Variants in LMCD1 observed in about 807,000 individuals in gnomAD.
LMCD1 encodes the protein LIM and cysteine-rich domains protein 1.
LMCD1 carries 32 observed loss-of-function variants against 42.7 expected under a neutral mutation model. The ratio of observed to expected loss-of-function variants is 0.75; its 90% CI spans 0.57 to 1.01. LMCD1 has a LOEUF of 1.01. LMCD1 is among the 50% of genes least tolerant of loss of function. The pLI is 0.00. For synonymous variants in LMCD1, 178 were observed against 184.9 expected (o/e 0.96, Z 0.30); for missense variants, 458 against 483.1 (o/e 0.95, Z 0.49).
chr3:8,559,847 T>A (rs1329211807), intron 4 of LMCD1, among the ~76,000 whole-genome samples: 1 of 152,180 alleles, frequency 6.6e-6, no homozygotes, highest in African/African-American at 2.4e-5. Context: ...TACCTGGACA[T>A]CTTGTTTTCA....
At chr3:8,546,404 G>A (rs1694735514) in intron 3 of LMCD1, among the ~76,000 whole-genome samples, 1 of 152,222 alleles carries the variant, frequency 6.6e-6, no homozygotes, top group Admixed American at 6.5e-5. Flanking sequence ...GAGCAGCTTG[G>A]TAGGCGCTGT....
At chr3:8,510,185 G>C (rs905643127) in intron 1 of LMCD1, among the ~76,000 whole-genome samples, 2 of 152,162 alleles carry the variant, frequency 1.3e-5, no homozygotes, top group African/African-American at 4.8e-5. Flanking sequence ...CCATCGAGGT[G>C]ACTGACCCGT....
chr3:8,543,440 T>TAGAC lies in LMCD1; in HGVS notation c.388-5116_388-5113dup, dbSNP rs1553607334. On this transcript the variant is annotated intron_variant, in intron 3 of 5. Coordinates refer to ENST00000157600, the MANE Select transcript of LMCD1 (RefSeq NM_014583.4). ...ATAGATAGATAGATAGATAGATAGATAGACAGACAGACAGAGAGATAGACA... is the reference window on the plus strand; with the variant it reads ...ATAGATAGATAGATAGATAGATAGATAGACAGACAGACAGACAGAGAGATAGACA... Among the ~76,000 whole-genome samples the TAGAC allele has an allele frequency of 3.6e-3, 484 of 134,176 alleles. 3 individuals carry two copies. Among genetic ancestry groups the TAGAC allele is most frequent in the East Asian group, 0.012 (56 of 4,764 alleles). The allele number at this position is 134,176 out of a possible 152,430, so 88.0% of individuals were successfully genotyped here.
chr3:8,559,717 C>A (rs530035211), intron 4 of LMCD1, among the ~76,000 whole-genome samples: 2 of 152,158 alleles, frequency 1.3e-5, no homozygotes, highest in Non-Finnish European at 2.9e-5. Context: ...GACCACCAGA[C>A]GATAGATCCA....
At position 8,567,634 on chromosome 3, in the gene LMCD1, CCA is replaced by C. The variant is rs745834107; in HGVS notation, c.*38_*39del. The C allele has an allele frequency of 1.3e-6, 2 of 1,589,984 alleles. No homozygotes were observed. Among genetic ancestry groups the C allele is most frequent in the Admixed American group, 3.5e-5 (2 of 57,306 alleles). On this transcript the variant is annotated 3_prime_UTR_variant, in exon 6 of 6. Transcript: ENST00000157600. ...ACCCACAGCCAGAATCCACAGGATC[CCA>C]CCGAGAAGGAGAGCCAGGTGTGCCG...
intron 4 of LMCD1, among the ~76,000 whole-genome samples, chr3:8,558,369 C>G (rs1302472673): frequency 6.6e-6 from 1 of 152,196 alleles, no homozygotes; most frequent in Non-Finnish European, 1.5e-5. Flanking sequence ...TATTCAAAAT[C>G]TTTCATTTCA....
At chr3:8,518,010 C>T (rs908001515) in intron 1 of LMCD1, among the ~76,000 whole-genome samples, 9 of 151,748 alleles carry the variant, frequency 5.9e-5, no homozygotes, top group African/African-American at 2.2e-4. Context: ...TTCCTACAAC[C>T]ACCTCATGAA....
intron 1 of LMCD1, among the ~76,000 whole-genome samples, chr3:8,525,017 G>C (rs925855045): frequency 6.6e-6 from 1 of 152,062 alleles, no homozygotes; most frequent in African/African-American, 2.4e-5. Context: ...TATACATTGT[G>C]TACTAATCAA....
chr3:8,557,226 C>T (rs1694943850), intron 4 of LMCD1, among the ~76,000 whole-genome samples: 1 of 152,206 alleles, frequency 6.6e-6, no homozygotes, highest in African/African-American at 2.4e-5. Flanking sequence ...TGATGTTAGA[C>T]TACAGAAGAA....
chr3:8,532,036 C>T (rs1478377024), intron 1 of LMCD1, among the ~76,000 whole-genome samples: 1 of 152,096 alleles, frequency 6.6e-6, no homozygotes, highest in African/African-American at 2.4e-5. Context: ...AGGCTGGAGT[C>T]GGGTCTAAGG....
chr3:8,565,159 C>T (rs1040964790), intron 4 of LMCD1, among the ~76,000 whole-genome samples: 19 of 152,032 alleles, frequency 1.2e-4, no homozygotes, highest in Admixed American at 2.6e-4. Flanking sequence ...CTGTAGGGGT[C>T]TTGATAATTT....
rs1353084662 is a variant in LMCD1 at position 8,569,352 on chromosome 3, C to T, written c.*1754C>T. 1 of 152,248 alleles carries T rather than the reference C, an allele frequency of 6.6e-6. No individual in the cohort carries two copies. Among genetic ancestry groups the T allele is most frequent in the Admixed American group, 6.5e-5 (1 of 15,286 alleles). The allele number at this position is 152,248 out of a possible 1,614,324, so 9.4% of individuals were successfully genotyped here. On this transcript the variant is annotated 3_prime_UTR_variant, in exon 6 of 6. Transcript: ENST00000157600. ...TTCATCCTATAAGGTGCTTCTCAAGCATAACCTGCTTCTCTGGCACTTTCC... is the reference window on the plus strand; with the variant it reads ...TTCATCCTATAAGGTGCTTCTCAAGTATAACCTGCTTCTCTGGCACTTTCC...
chr3:8,501,835 C>G lies in LMCD1; in HGVS notation c.-104C>G. Reference sequence around the variant, plus strand: ...TGCGCCTGGCTGCGCACAGAGCTCCCTCCCAGGCCCGCGAACTTGGCCATT... The same window carrying G: ...TGCGCCTGGCTGCGCACAGAGCTCCGTCCCAGGCCCGCGAACTTGGCCATT... On this transcript the variant is annotated 5_prime_UTR_variant, in exon 1 of 6. Transcript: ENST00000157600. The G allele has an allele frequency of 2.0e-6, 2 of 1,009,496 alleles. No homozygotes were observed. The highest frequency in any genetic ancestry group is 2.9e-6 in the Non-Finnish European group (2 of 679,440). 62.5% of individuals were successfully genotyped at this position (1,009,496 alleles called of 1,614,324 possible). A position where few individuals can be genotyped will look rare whatever the true frequency, so the allele number is the denominator to read the frequency against.
intron 1 of LMCD1, among the ~76,000 whole-genome samples, chr3:8,506,470 C>T (rs561916877): frequency 3.9e-5 from 6 of 152,168 alleles, no homozygotes; most frequent in Middle Eastern, 3.4e-3. Flanking sequence ...TCTTTCCTTC[C>T]GCCCTTACGC....
At chr3:8,563,885 C>A (rs189869215) in intron 4 of LMCD1, among the ~76,000 whole-genome samples, 2 of 152,202 alleles carry the variant, frequency 1.3e-5, no homozygotes, top group Admixed American at 1.3e-4. Flanking sequence ...TTCCTCCCAA[C>A]GTACTCATCA....
In LMCD1 at chr3:8,504,204, G is replaced by A. The variant is rs76930308; in HGVS notation, c.42+2224G>A. Among the ~76,000 whole-genome samples the A allele has an allele frequency of 2.8e-3, 430 of 152,266 alleles. 5 individuals are homozygous for A. The highest frequency in any genetic ancestry group is 0.01 in the African/African-American group (416 of 41,546). ...CTTCAACTCAAAATGTGGAGGGGAG[G>A]GAGGAGAGCCGAGAAGCTCCCCTTG... On this transcript the variant is annotated intron_variant, in intron 1 of 5. Transcript: ENST00000157600.
intron 4 of LMCD1, among the ~76,000 whole-genome samples, chr3:8,553,601 C>T (rs1052906168): frequency 2.6e-5 from 4 of 152,284 alleles, no homozygotes; most frequent in African/African-American, 4.8e-5. Flanking sequence ...GGCCAGCAGA[C>T]GGGCCCTACT....
intron 1 of LMCD1, among the ~76,000 whole-genome samples, chr3:8,528,570 T>C (rs2125020297): frequency 6.6e-6 from 1 of 152,290 alleles, no homozygotes; most frequent in South Asian, 2.1e-4. Context: ...AACAGCCCTA[T>C]TGAGACAAAG....
In LMCD1 at chr3:8,573,608, G is replaced by A. The variant is rs965311326; in HGVS notation, c.*6010G>A. The A allele has an allele frequency of 7.9e-5, 12 of 152,188 alleles. No homozygotes were observed. Among genetic ancestry groups the A allele is most frequent in the African/African-American group, 2.9e-4 (12 of 41,448 alleles). 9.4% of individuals were successfully genotyped at this position (152,188 alleles called of 1,614,324 possible). A position where few individuals can be genotyped will look rare whatever the true frequency, so the allele number is the denominator to read the frequency against. On this transcript the variant is annotated 3_prime_UTR_variant, in exon 6 of 6. Transcript: ENST00000157600. ...AAGAATGGGGATGACGCTGTTGAAG[G>A]AAGAAATGTGTTTTCTCCTTTTTCT...
Sources: gnomAD v4.1 joint callset for allele counts (sites outside exome capture counted in the v4.1 genomes callset) on GRCh38, gnomAD v4.1.1 for gene constraint, MANE v1.5 for transcripts, NCBI Gene and HGNC (gene_info 2026-07-23, HGNC 2026-07-21) for gene names.